Variants in PAF1 observed in about 807,000 individuals in gnomAD.
PAF1 encodes the protein PAF1 component of Paf1/RNA polymerase II complex, also known as RNA polymerase II-associated factor 1 homolog.
PAF1 carries 31 observed loss-of-function variants against 68.4 expected under a neutral mutation model. The ratio of observed to expected loss-of-function variants is 0.45; its 90% CI spans 0.34 to 0.61. The LOEUF is 0.61. PAF1 is among the 20% of genes least tolerant of loss of function. The probability of loss-of-function intolerance (pLI) is 0.01; values close to 1 mark genes in which losing one functional copy is unlikely to be tolerated. For synonymous variants in PAF1, 256 were observed against 240.5 expected (o/e 1.06, Z -0.60); for missense variants, 435 against 692.9 (o/e 0.63, Z 4.18).
chr19:39,388,517 C>G (rs2078303084), intron 10 of PAF1, 43 bp downstream of exon 10: 8 of 1,612,884 alleles, frequency 5.0e-6, no homozygotes, highest in Non-Finnish European at 6.8e-6. Context: ...ATCCCAATCC[C>G]CAAAACTTCC....
intron 9 of PAF1, 39 bp from the exon 10 acceptor site, chr19:39,388,715 C>T (rs1225584734): frequency 6.2e-7 from 1 of 1,608,832 alleles, no homozygotes. Context: ...AGTGTGAGGA[C>T]AAGAGGCAGC....
intron 1 of PAF1, 62 bp from the exon 2 acceptor site, chr19:39,390,351 AG>A: frequency 6.7e-7 from 1 of 1,497,756 alleles, no homozygotes; most frequent in East Asian, 2.4e-5. Context: ...AGAATGAAAA[AG>A]GCTTCCCCAA....
chr19:39,388,553 C>G lies in PAF1; in HGVS notation c.857+7G>C. 6.2e-7 allele frequency: 1 copy of G among 1,613,628 alleles called. No individual in the cohort carries two copies. The stretch of plus-strand genomic sequence containing the variant: ...CAATCCCCAAAACTTAACCGCAACC[C>G]ACGCACACATCATCTGGTGCATAGT... On this transcript the variant is annotated splice_region_variant and intron_variant, in intron 10 of 13. Transcript: ENST00000221265.
Position 39,389,257 on chromosome 19 carries a change from C to A in PAF1, c.461+25G>T, listed in dbSNP as rs768337039. 1 of 1,609,816 alleles carries A rather than the reference C, an allele frequency of 6.2e-7. No homozygotes were observed. Among genetic ancestry groups the A allele is most frequent in the Non-Finnish European group, 8.5e-7 (1 of 1,176,036 alleles). Reference sequence around the variant, plus strand: ...TGGACACACCTAATATCTCCACCTTCCCTCTCTTCCTGTTAGTAACTTACT... The same window carrying A: ...TGGACACACCTAATATCTCCACCTTACCTCTCTTCCTGTTAGTAACTTACT... On this transcript the variant is annotated intron_variant, in intron 6 of 13. Coordinates refer to ENST00000221265, the MANE Select transcript of PAF1 (RefSeq NM_019088.4). The surrounding 1 kb of genome is among the most constrained non-coding windows in gnomAD (Gnocchi z 5.3).
rs372480955 is a variant in PAF1, at chr19:39,386,565, C to T, written c.1100G>A (p.Arg367Gln). The T allele has an allele frequency of 4.3e-6, 7 of 1,613,988 alleles. No individual in the cohort carries two copies. Among genetic ancestry groups the T allele is most frequent in the South Asian group, 2.2e-5 (2 of 91,084 alleles). Residue 367 changes from arginine to glutamine, a missense_variant, in exon 13 of 14, where the codon CGG becomes CAG. This residue lies in a region of PAF1 where 151 missense variants were observed against 306.3 expected (regional missense o/e 0.49). Coordinates refer to ENST00000221265, the MANE Select transcript of PAF1 (RefSeq NM_019088.4). This position sits in a 1 kb window ranked among gnomAD's most constrained non-coding sequence, Gnocchi z 6.1. ...NEKELEAQEA[R>Q]KAQLENHEPE... ...TTCGTGGTTTTCTAGCTGGGCCTTC[C>T]GTGCCTCCTGGAAGCAGCAAGATTG...
rs1379191071 is a variant in PAF1 at position 39,389,420 on chromosome 19, C to T, written c.360-37G>A. On this transcript the variant is annotated intron_variant, in intron 5 of 13. Coordinates refer to ENST00000221265, the MANE Select transcript of PAF1 (RefSeq NM_019088.4). The surrounding 1 kb of genome is among the most constrained non-coding windows in gnomAD (Gnocchi z 5.3). ...AATCAGGTATCTCAGGACCCCACTGCCCTCCTGCTTGTAGGGCCCACCTGA... is the reference window on the plus strand; with the variant it reads ...AATCAGGTATCTCAGGACCCCACTGTCCTCCTGCTTGTAGGGCCCACCTGA... The T allele has an allele frequency of 1.2e-6, 2 of 1,610,468 alleles. No individual in the cohort carries two copies. The highest frequency in any genetic ancestry group is 8.5e-7 in the Non-Finnish European group (1 of 1,176,706).
At chr19:39,387,903 C>T (rs1324343140) in intron 11 of PAF1, among the ~76,000 whole-genome samples, 1 of 152,058 alleles carries the variant, frequency 6.6e-6, no homozygotes, top group East Asian at 1.9e-4. Flanking sequence ...TTTGGGAGGC[C>T]GAGGCAGGCA....
At position 39,390,262 on chromosome 19, in the gene PAF1, C is replaced by A; in HGVS notation, c.75G>T (p.Glu25Asp). The A allele has an allele frequency of 1.2e-6, 2 of 1,613,822 alleles. No individual in the cohort carries two copies. The highest frequency in any genetic ancestry group is 1.1e-5 in the South Asian group (1 of 91,056). The change falls in exon 2 of 14, where the codon GAG (glutamate) becomes GAT (aspartate). Residue 25 changes from glutamate (E) to aspartate (D), a missense_variant and splice_region_variant. Glu to Asp is a conservative substitution (Grantham distance 45). Around this residue, in one of 7 missense-constraint regions of PAF1, gnomAD observed 38 missense variants for 33.9 expected, o/e 1.12. Coordinates refer to ENST00000221265, the MANE Select transcript of PAF1 (RefSeq NM_019088.4). The part of the protein sequence containing the change: ...HRPNSHRTLP[E>D]RSGVVCRVKY... ...TGGGAAAGCACAGTGGGGCTCACCT[C>A]TCAGGCAGAGTCCGGTGGGAATTGG... is the stretch of plus-strand genomic sequence containing the variant.
rs1274735864 is a variant in PAF1 at position 39,389,223 on chromosome 19, AG to A, written c.462-26del. The A allele has an allele frequency of 6.2e-7, 1 of 1,610,160 alleles. No homozygotes were observed. The highest frequency in any genetic ancestry group is 1.3e-5 in the African/African-American group (1 of 74,956). On this transcript the variant is annotated intron_variant, in intron 6 of 13. Transcript: ENST00000221265. This position sits in a 1 kb window ranked among gnomAD's most constrained non-coding sequence, Gnocchi z 5.3. ...CCTAGGAATGAAGAAAAAGGTCCTT[AG>A]GGGCCACTGGACACACCTAATATCT...
At position 39,390,254 on chromosome 19, in the gene PAF1, G is replaced by A. The variant is rs770045189; in HGVS notation, c.77+6C>T. On this transcript the variant is annotated splice_donor_region_variant and intron_variant, in intron 2 of 13. Coordinates refer to ENST00000221265, the MANE Select transcript of PAF1 (RefSeq NM_019088.4). ...ACCGCTCCTGGGAAAGCACAGTGGGGCTCACCTCTCAGGCAGAGTCCGGTG... is the reference window on the plus strand; with the variant it reads ...ACCGCTCCTGGGAAAGCACAGTGGGACTCACCTCTCAGGCAGAGTCCGGTG... The A allele has an allele frequency of 7.4e-6, 12 of 1,613,738 alleles. No homozygotes were observed. The highest frequency in any genetic ancestry group is 9.3e-6 in the Non-Finnish European group (11 of 1,179,774).
At position 39,386,640 on chromosome 19, in the gene PAF1, C is replaced by G; in HGVS notation, c.1092+54G>C. 5 of 1,600,988 alleles carry G rather than the reference C, an allele frequency of 3.1e-6. No individual in the cohort carries two copies. The South Asian group carries it at 4.4e-5, about 14-fold the overall frequency. On this transcript the variant is annotated intron_variant, in intron 12 of 13. Coordinates refer to ENST00000221265, the MANE Select transcript of PAF1 (RefSeq NM_019088.4). This position sits in a 1 kb window ranked among gnomAD's most constrained non-coding sequence, Gnocchi z 6.1. ...GCTGGGTTTTTGTCCCCCTCCTCACCTACAACCACCACCCTCCCTGCCATG... is the reference window on the plus strand; with the variant it reads ...GCTGGGTTTTTGTCCCCCTCCTCACGTACAACCACCACCCTCCCTGCCATG...
intron 11 of PAF1, chr19:39,387,240 G>T (rs2078272290): frequency 4.9e-6 from 2 of 408,200 alleles, no homozygotes; most frequent in African/African-American, 4.0e-5. Context: ...GCAGGCAATT[G>T]TAATACAATA....
rs1324547630 is a variant in PAF1 at position 39,385,826 on chromosome 19, G to A, written c.*165C>T. Reference sequence around the variant, plus strand: ...GCGGGAGGTATGTGCTGGGCTGAATGACATCATAGGGGCTGGGAGGGGAAG... The same window carrying A: ...GCGGGAGGTATGTGCTGGGCTGAATAACATCATAGGGGCTGGGAGGGGAAG... On this transcript the variant is annotated 3_prime_UTR_variant, in exon 14 of 14. Transcript: ENST00000221265. 1 of 1,043,398 alleles carries A rather than the reference G, an allele frequency of 9.6e-7. No homozygotes were observed. The highest frequency in any genetic ancestry group is 1.6e-5 in the African/African-American group (1 of 62,508). 64.6% of individuals were successfully genotyped at this position (1,043,398 alleles called of 1,614,324 possible).
At position 39,386,123 on chromosome 19, in the gene PAF1, C is replaced by A; in HGVS notation, c.1464G>T (p.Gly488=). 3 of 1,614,100 alleles carry A rather than the reference C, an allele frequency of 1.9e-6. No individual in the cohort carries two copies. The highest frequency in any genetic ancestry group is 2.5e-6 in the Non-Finnish European group (3 of 1,180,028). ...TGTGGCTCCGGCTCCGCTGGCCACC[C>A]CCATTGCTGCCGCTGTCTGAATCAT... ...SDNDSDSGSN[G]GGQRSRSHSR... Residue 488 remains glycine (G), a synonymous_variant, in exon 14 of 14, where the codon GGG becomes GGT. Transcript: ENST00000221265. This position sits in a 1 kb window ranked among gnomAD's most constrained non-coding sequence, Gnocchi z 6.1.
rs200770096 is a variant in PAF1 at position 39,385,688 on chromosome 19, CAAAA to C, written c.*299_*302del. 20 of 515,914 alleles carry C rather than the reference CAAAA, an allele frequency of 3.9e-5. No homozygotes were observed. The highest frequency in any genetic ancestry group is 1.1e-4 in the Admixed American group (3 of 27,002). 32.0% of individuals were successfully genotyped at this position (515,914 alleles called of 1,614,324 possible). On this transcript the variant is annotated 3_prime_UTR_variant, in exon 14 of 14. Transcript: ENST00000221265. ...TTATTTTGGAAAAAAAAAAAACAAA[CAAAA>C]AAAACGAATTCTGACCTTCGTTGTG...
At chr19:39,388,128 G>A (rs552232802) in intron 11 of PAF1, among the ~76,000 whole-genome samples, 12 of 152,258 alleles carry the variant, frequency 7.9e-5, no homozygotes, top group African/African-American at 2.6e-4. Context: ...GCAACAGAGC[G>A]AGACTCCATC....
In PAF1 at chr19:39,389,833, G is replaced by A. The variant is rs2078334388; in HGVS notation, c.171-72C>T. 11 of 1,596,944 alleles carry A rather than the reference G, an allele frequency of 6.9e-6. No individual in the cohort carries two copies. The highest frequency in any genetic ancestry group is 5.0e-5 in the Admixed American group (3 of 59,940). On this transcript the variant is annotated intron_variant, in intron 3 of 13. Transcript: ENST00000221265. The surrounding 1 kb of genome is among the most constrained non-coding windows in gnomAD (Gnocchi z 5.3). ...CCTCACAGCCCTGCTTCCCAGAGGC[G>A]GAGCTTCTCTGGGGAGGAACTCAGA...
chr19:39,388,859 TC>T lies in PAF1; in HGVS notation c.642del (p.Trp214Ter). The T allele has an allele frequency of 6.2e-7, 1 of 1,614,044 alleles. No individual in the cohort carries two copies. The highest frequency in any genetic ancestry group is 8.5e-7 in the Non-Finnish European group (1 of 1,179,932). ...AAGATCACCTGAGCACATGGATTGA[TC>T]CACATCTAGGGAGATGGAGGCACTG... Reference protein sequence around the residue: ...VMPVFPDFKMWINPCAQVIFD... With the variant: ...VMPVFPDFKMXINPCAQVIFD... On this transcript the variant is annotated frameshift_variant, in exon 9 of 14. Transcript: ENST00000221265. LOFTEE classifies it high-confidence loss of function.
chr19:39,390,978 C>T lies in PAF1; in HGVS notation c.-114G>A, dbSNP rs2078367534. Reference sequence around the variant, plus strand: ...CCGAGGAAGGCCCAGCTTGGCGCCGCTCCCCGCGGAAAGTGGGTTGAGATG... The same window carrying T: ...CCGAGGAAGGCCCAGCTTGGCGCCGTTCCCCGCGGAAAGTGGGTTGAGATG... On this transcript the variant is annotated 5_prime_UTR_variant, in exon 1 of 14. Coordinates refer to ENST00000221265, the MANE Select transcript of PAF1 (RefSeq NM_019088.4). The T allele has an allele frequency of 9.1e-7, 1 of 1,095,190 alleles. No homozygotes were observed. Among genetic ancestry groups the T allele is most frequent in the Non-Finnish European group, 1.3e-6 (1 of 769,536 alleles). The allele number at this position is 1,095,190 out of a possible 1,614,324, so 67.8% of individuals were successfully genotyped here. A position where few individuals can be genotyped will look rare whatever the true frequency, so the allele number is the denominator to read the frequency against.
Sources: gnomAD v4.1 joint callset for allele counts (sites outside exome capture counted in the v4.1 genomes callset) on GRCh38, gnomAD v4.1.1 for gene constraint, gnomAD v4.1.1 regional missense constraint, Gnocchi (gnomAD v3.1) non-coding constraint, MANE v1.5 for transcripts, NCBI Gene and HGNC (gene_info 2026-07-23, HGNC 2026-07-21) for gene names.